RBFOX3: variants seen among roughly 807,000 people sequenced by gnomAD.
The protein encoded by RBFOX3 is RNA binding fox-1 homolog 3.
A neutral mutation model predicts 48.7 loss-of-function variants in RBFOX3; 17 were observed. That is an observed-to-expected ratio of 0.35 (90% CI 0.24 to 0.52). The LOEUF is 0.52. RBFOX3 is among the 20% of genes least tolerant of loss of function. RBFOX3 has a pLI of 0.94. For missense variants in RBFOX3, 382 were observed against 497.5 expected, an observed-to-expected ratio of 0.77 and a Z score of 2.21; for synonymous variants, 212 against 209.5, an observed-to-expected ratio of 1.01 and a Z score of -0.10.
At chr17:79,410,189 G>T (rs56947220) in intron 2 of RBFOX3, among the ~76,000 whole-genome samples, 1 of 152,168 alleles carries the variant, frequency 6.6e-6, no homozygotes, top group African/African-American at 2.4e-5. Flanking sequence ...TGTCCTGGCC[G>T]CCTGGCTGCC....
chr17:79,182,559 G>C (rs1599850555), intron 4 of RBFOX3, among the ~76,000 whole-genome samples: 1 of 151,480 alleles, frequency 6.6e-6, no homozygotes, highest in Admixed American at 6.6e-5. Flanking sequence ...CGGCCGGCGG[G>C]CAGGCGGCTG....
chr17:79,189,900 G>C (rs2054124844), intron 4 of RBFOX3, among the ~76,000 whole-genome samples: 1 of 152,214 alleles, frequency 6.6e-6, no homozygotes, highest in African/African-American at 2.4e-5. Context: ...CCCTTGGATG[G>C]TTGGGCCCCC....
At chr17:79,117,479 T>G (rs2034393326) in intron 4 of RBFOX3, among the ~76,000 whole-genome samples, 1 of 152,214 alleles carries the variant, frequency 6.6e-6, no homozygotes, top group Non-Finnish European at 1.5e-5. Flanking sequence ...ACCTACTAGG[T>G]GCAGGCAGAG....
intron 1 of RBFOX3, among the ~76,000 whole-genome samples, chr17:79,606,362 C>T (rs2093830258): frequency 4.6e-5 from 7 of 152,308 alleles, no homozygotes; most frequent in African/African-American, 1.7e-4. Context: ...CCCTAGGCCC[C>T]TAAATTAAAG....
intron 2 of RBFOX3, among the ~76,000 whole-genome samples, chr17:79,474,093 C>T (rs372434145): frequency 6.6e-6 from 1 of 151,976 alleles, no homozygotes; most frequent in South Asian, 2.1e-4. Flanking sequence ...CCGGCAACCC[C>T]CTCTGAGGAA....
chr17:79,653,515 G>C, the RBFOX3 span, among the ~76,000 whole-genome samples: 1 of 152,052 alleles, frequency 6.6e-6, no homozygotes, highest in African/African-American at 2.4e-5. Flanking sequence ...GAAGATTGAG[G>C]TTTCATTGTT....
Position 79,541,940 on chromosome 17 carries a change from G to A in RBFOX3, c.-319-59342C>T, listed in dbSNP as rs548564953. On this transcript the variant is annotated intron_variant, in intron 1 of 14. Coordinates refer to ENST00000693108, the MANE Select transcript of RBFOX3 (RefSeq NM_001350451.2). ...CCACGGAGCACGGGGCTCCTCCAGGGTCCCCACGCACTGGCTGCCGGGGCC... is the reference window on the plus strand; with the variant it reads ...CCACGGAGCACGGGGCTCCTCCAGGATCCCCACGCACTGGCTGCCGGGGCC... Among the ~76,000 whole-genome samples, 35 of 152,208 alleles carry A rather than the reference G, an allele frequency of 2.3e-4. No individual in the cohort carries two copies. The South Asian group carries it at 6.6e-3, about 29-fold the overall frequency.
At chr17:79,493,875 T>C (rs1386185208) in intron 1 of RBFOX3, among the ~76,000 whole-genome samples, 1 of 152,090 alleles carries the variant, frequency 6.6e-6, no homozygotes, top group African/African-American at 2.4e-5. Flanking sequence ...GCCGCGGCAG[T>C]AGGGCTCCTT....
rs569093208 is a variant in RBFOX3 at position 79,198,247 on chromosome 17, C to G, written c.-34+37519G>C. ...GGGAAATCATGGGTGACAACCGCCT[C>G]TGGCCAGCCCTCTGCCCTCGCCCCT... On this transcript the variant is annotated intron_variant, in intron 4 of 14. Transcript: ENST00000693108. This position sits in a 1 kb window ranked among gnomAD's most constrained non-coding sequence, Gnocchi z 8.2. 3.9e-5 allele frequency among the ~76,000 whole-genome samples: 6 copies of G among 152,358 alleles called. No homozygotes were observed. In the South Asian group the frequency reaches 6.2e-4, roughly 16 times the overall value.
intron 4 of RBFOX3, among the ~76,000 whole-genome samples, chr17:79,176,714 G>T (rs908197380): frequency 6.6e-6 from 1 of 152,134 alleles, no homozygotes; most frequent in African/African-American, 2.4e-5. Context: ...GAATCTTCCG[G>T]GAGGAAGTAG....
intron 1 of RBFOX3, among the ~76,000 whole-genome samples, chr17:79,595,664 G>A (rs1019443730): frequency 1.5e-4 from 23 of 152,180 alleles, no homozygotes; most frequent in Admixed American, 1.3e-4. Flanking sequence ...AGGGGAGGAC[G>A]GACCTGGCAT....
At chr17:79,308,109 G>C (rs1278389464) in intron 2 of RBFOX3, among the ~76,000 whole-genome samples, 1 of 152,220 alleles carries the variant, frequency 6.6e-6, no homozygotes, top group Admixed American at 6.5e-5. Context: ...TGGGGTCAGA[G>C]GGGAGAGTGC....
At chr17:79,449,836 G>A (rs1345146505) in intron 2 of RBFOX3, among the ~76,000 whole-genome samples, 1 of 152,198 alleles carries the variant, frequency 6.6e-6, no homozygotes, top group Non-Finnish European at 1.5e-5. Context: ...GTCACGATGG[G>A]CACACCATTG....
chr17:79,498,879 T>TCCATCCAC (rs2081988814), intron 1 of RBFOX3, among the ~76,000 whole-genome samples: 1 of 145,886 alleles, frequency 6.9e-6, no homozygotes, highest in African/African-American at 2.5e-5. Context: ...CATCCATCCA[T>TCCATCCAC]CCATCCATCC....
intron 1 of RBFOX3, among the ~76,000 whole-genome samples, chr17:79,582,160 G>C (rs1296429349): frequency 2.0e-5 from 3 of 151,266 alleles, no homozygotes; most frequent in Admixed American, 2.0e-4. Context: ...CCGTGTATGT[G>C]CCTGTGCGTG....
At chr17:79,651,338 C>A in the RBFOX3 span, among the ~76,000 whole-genome samples, 1 of 152,132 alleles carries the variant, frequency 6.6e-6, no homozygotes, top group Non-Finnish European at 1.5e-5. Context: ...AGACAGACAG[C>A]GCCAGAGAGT....
chr17:79,607,562 G>A (rs1472446139), intron 1 of RBFOX3, among the ~76,000 whole-genome samples: 6 of 152,272 alleles, frequency 3.9e-5, no homozygotes, highest in South Asian at 4.1e-4. Flanking sequence ...GGATAGGAGC[G>A]TGACTTATGC....
intron 3 of RBFOX3, among the ~76,000 whole-genome samples, chr17:79,297,802 GT>G (rs1227473902): frequency 1.3e-5 from 2 of 152,204 alleles, no homozygotes; most frequent in Non-Finnish European, 2.9e-5. Flanking sequence ...GAGGCACTGG[GT>G]GTTTCCCCAC....
intron 4 of RBFOX3, among the ~76,000 whole-genome samples, chr17:79,230,426 A>AT (rs775639799): frequency 9.9e-5 from 15 of 151,620 alleles, no homozygotes; most frequent in East Asian, 9.7e-4. Context: ...TACCCGGCTA[A>AT]TTTTTTGTAT....
Sources: allele counts gnomAD v4.1 joint callset (sites outside exome capture counted in the v4.1 genomes callset), GRCh38; gene constraint gnomAD v4.1.1; non-coding constraint Gnocchi (gnomAD v3.1); transcripts MANE v1.5; gene names NCBI Gene and HGNC (gene_info 2026-07-23, HGNC 2026-07-21).